The following MAP7D1 variants were observed in gnomAD, a reference collection of about 807,000 sequenced individuals.
MAP7D1 encodes MAP7 domain-containing protein 1.
A neutral mutation model predicts 97.5 loss-of-function variants in MAP7D1; 30 were observed. That is an observed-to-expected ratio of 0.31 (90% CI 0.23 to 0.42). The LOEUF (loss-of-function observed/expected upper bound fraction) is 0.42. Among genes scored for constraint, MAP7D1 ranks in the 10% least tolerant of loss-of-function variants. The pLI is 1.00. For synonymous variants in MAP7D1, 536 were observed against 477.1 expected (o/e 1.12, Z -1.61); for missense variants, 1,184 against 1,179.5 (o/e 1.00, Z -0.06).
chr1:36,176,618 G>A lies in MAP7D1; in HGVS notation c.1233+37G>A, dbSNP rs1324639573. 1.3e-6 allele frequency: 2 copies of A among 1,560,814 alleles called. No homozygotes were observed. The highest frequency in any genetic ancestry group is 1.4e-5 in the African/African-American group (1 of 73,960). On this transcript the variant is annotated intron_variant, in intron 7 of 16. Transcript: ENST00000474796. This position sits in a 1 kb window ranked among gnomAD's most constrained non-coding sequence, Gnocchi z 6.1. Reference sequence around the variant, plus strand: ...TACTGGCTCGAGTGGCCGCGCAGGTGGGGACAGGCAGCCTGGAACTGGGGT... The same window carrying A: ...TACTGGCTCGAGTGGCCGCGCAGGTAGGGACAGGCAGCCTGGAACTGGGGT...
In MAP7D1 at chr1:36,176,381, C is replaced by A. The variant is rs750250559; in HGVS notation, c.1033C>A (p.Arg345Ser). 1.3e-6 allele frequency: 2 copies of A among 1,522,766 alleles called. No individual in the cohort carries two copies. The highest frequency in any genetic ancestry group is 8.8e-7 in the Non-Finnish European group (1 of 1,140,764). 94.3% of individuals were successfully genotyped at this position (1,522,766 alleles called of 1,614,324 possible). Residue 345 changes from arginine (R) to serine (S), a missense_variant, in exon 7 of 17, where the codon CGC becomes AGC. Coordinates refer to ENST00000474796, the MANE Select transcript of MAP7D1 (RefSeq NM_001388490.1). The surrounding 1 kb of genome is among the most constrained non-coding windows in gnomAD (Gnocchi z 6.1). ...GGGCCGGGCAGGGGCCAGCCTGGCG[C>A]GCGGGCCGCAACCCGACCGCACTCA... ...TWGRAGASLA[R>S]GPQPDRTHPS...
intron 1 of MAP7D1, among the ~76,000 whole-genome samples, chr1:36,167,723 A>G (rs1460557999): frequency 4.6e-5 from 7 of 151,178 alleles, no homozygotes; most frequent in East Asian, 1.9e-4. Context: ...GCTCCACTGC[A>G]TCTGATGCCT....
chr1:36,174,709 G>T lies in MAP7D1; in HGVS notation c.740-189G>T, dbSNP rs542239415. On this transcript the variant is annotated intron_variant, in intron 5 of 16. Coordinates refer to ENST00000474796, the MANE Select transcript of MAP7D1 (RefSeq NM_001388490.1). ...TTCTCCGTCGGCTCCCCCAACCCAG[G>T]TTGTCTCTGGTCACCTACCCCCCCA... is the stretch of plus-strand genomic sequence containing the variant. 6.0e-5 allele frequency among the ~76,000 whole-genome samples: 9 copies of T among 151,140 alleles called. No homozygotes were observed. In the South Asian group the frequency reaches 1.9e-3, roughly 32 times the overall value.
intron 5 of MAP7D1, 43 bp from the exon 6 acceptor site, chr1:36,174,855 C>T (rs1251304172): frequency 7.8e-7 from 1 of 1,284,324 alleles, no homozygotes; most frequent in Non-Finnish European, 1.1e-6. Context: ...CCCACTGGCT[C>T]CTGCCGGGCC....
chr1:36,166,287 C>T (rs1391503722), intron 1 of MAP7D1, among the ~76,000 whole-genome samples: 2 of 152,062 alleles, frequency 1.3e-5, no homozygotes, highest in Non-Finnish European at 2.9e-5. Context: ...AGGTCAGGAT[C>T]CTGGGGAGTC....
chr1:36,172,745 T>C (rs1644563923), intron 4 of MAP7D1, 118 bp downstream of exon 4: 1 of 1,137,394 alleles, frequency 8.8e-7, no homozygotes, highest in African/African-American at 1.6e-5. Context: ...TGTGGTCCTA[T>C]TTGTGTTCAC....
Position 36,176,941 on chromosome 1 carries a change from C to A in MAP7D1, c.1379+99C>A. On this transcript the variant is annotated intron_variant, in intron 8 of 16. Transcript: ENST00000474796. This position sits in a 1 kb window ranked among gnomAD's most constrained non-coding sequence, Gnocchi z 6.1. ...CAACCACCTCTAGAATGCAACTTCCCTGAGGGCAGATTCTCTCTGTTTTGT... is the reference window on the plus strand; with the variant it reads ...CAACCACCTCTAGAATGCAACTTCCATGAGGGCAGATTCTCTCTGTTTTGT... 9.9e-7 allele frequency: 1 copy of A among 1,013,296 alleles called. No individual in the cohort carries two copies. Among genetic ancestry groups the A allele is most frequent in the Non-Finnish European group, 1.5e-6 (1 of 683,994 alleles). The allele number at this position is 1,013,296 out of a possible 1,614,324, so 62.8% of individuals were successfully genotyped here.
Position 36,174,693 on chromosome 1 carries a change from G to A in MAP7D1, c.740-205G>A, listed in dbSNP as rs572143504. The stretch of plus-strand genomic sequence containing the variant: ...CTCCTCCCTTTGTTCCTTCTCCGTC[G>A]GCTCCCCCAACCCAGGTTGTCTCTG... On this transcript the variant is annotated intron_variant, in intron 5 of 16. Transcript: ENST00000474796. Among the ~76,000 whole-genome samples, 5 of 151,630 alleles carry A rather than the reference G, an allele frequency of 3.3e-5. No individual in the cohort carries two copies. In the East Asian group the frequency reaches 9.7e-4, roughly 30 times the overall value.
chr1:36,158,209 T>A (rs1454378533), intron 1 of MAP7D1, among the ~76,000 whole-genome samples: 1 of 152,072 alleles, frequency 6.6e-6, no homozygotes, highest in Non-Finnish European at 1.5e-5. Flanking sequence ...TATAGGCTTC[T>A]TGCATTGAGA....
chr1:36,173,823 G>A (rs568145333), intron 5 of MAP7D1, among the ~76,000 whole-genome samples: 95 of 152,256 alleles, frequency 6.2e-4, no homozygotes, highest in Non-Finnish European at 1.1e-3. Flanking sequence ...TCCTTGTCTC[G>A]GAAGGTAGAT....
chr1:36,179,418 G>A, intron 13 of MAP7D1, 97 bp from the exon 14 acceptor site: 1 of 1,574,424 alleles, frequency 6.4e-7, no homozygotes, highest in Non-Finnish European at 8.7e-7. Context: ...CTGTCAGGGA[G>A]GCCGCTGCGG....
Position 36,176,595 on chromosome 1 carries a change from CTGGCTCGAG to C in MAP7D1, c.1233+19_1233+27del. 1 of 1,536,596 alleles carries C rather than the reference CTGGCTCGAG, an allele frequency of 6.5e-7. No individual in the cohort carries two copies. Among genetic ancestry groups the C allele is most frequent in the Non-Finnish European group, 8.8e-7 (1 of 1,140,862 alleles). On this transcript the variant is annotated intron_variant, in intron 7 of 16. Coordinates refer to ENST00000474796, the MANE Select transcript of MAP7D1 (RefSeq NM_001388490.1). This position sits in a 1 kb window ranked among gnomAD's most constrained non-coding sequence, Gnocchi z 6.1. ...GAGGCCTCGCCGGTGAGTGGCTCTA[CTGGCTCGAG>C]TGGCCGCGCAGGTGGGGACAGGCAG...
chr1:36,161,406 C>A (rs1030605308), intron 1 of MAP7D1, among the ~76,000 whole-genome samples: 5 of 152,222 alleles, frequency 3.3e-5, no homozygotes, highest in African/African-American at 1.2e-4. Context: ...GCTGTCCCCA[C>A]TGGGATGCAG....
intron 8 of MAP7D1, chr1:36,177,542 C>A (rs1464820117): frequency 1.7e-6 from 1 of 600,850 alleles, no homozygotes; most frequent in Non-Finnish European, 3.2e-6. Context: ...ACAACAACAA[C>A]AACAAAACCT....
At chr1:36,170,819 A>G in intron 1 of MAP7D1, 152 bp from the exon 2 acceptor site, 1 of 599,274 alleles carries the variant, frequency 1.7e-6, no homozygotes, top group South Asian at 2.2e-5. Flanking sequence ...TCACCATTAT[A>G]TCATGAGTAT....
Position 36,177,991 on chromosome 1 carries a change from A to G in MAP7D1, c.1498A>G (p.Thr500Ala). Residue 500 changes from threonine (T) to alanine (A), a missense_variant, in exon 9 of 17, where the codon ACC becomes GCC. Physicochemically the swap from Thr to Ala is moderately conservative, Grantham distance 58. Transcript: ENST00000474796. ...LPPKPPSPRG[T>A]TASPKGRVRR... ...TCCAAAGCCACCGTCCCCCCGAGGC[A>G]CCACTGCATCCCCCAAGGGGCGGGT... 1 of 1,611,808 alleles carries G rather than the reference A, an allele frequency of 6.2e-7. No individual in the cohort carries two copies.
intron 1 of MAP7D1, among the ~76,000 whole-genome samples, chr1:36,166,556 A>T (rs1325763537): frequency 6.6e-6 from 1 of 151,838 alleles, no homozygotes. Flanking sequence ...TGCCTGGCTA[A>T]TTTTTTGTGT....
intron 4 of MAP7D1, 112 bp from the exon 5 acceptor site, chr1:36,173,252 T>TC: frequency 1.3e-6 from 1 of 767,388 alleles, no homozygotes; most frequent in Admixed American, 2.4e-5. Flanking sequence ...AGGAAAAGAC[T>TC]CCAAGGGAAG....
At chr1:36,171,739 C>A in intron 3 of MAP7D1, 158 bp downstream of exon 3, 2 of 618,702 alleles carry the variant, frequency 3.2e-6, no homozygotes, top group Non-Finnish European at 5.6e-6. Flanking sequence ...TTGAGACTAG[C>A]CTGACCAATG....
Sources: allele counts gnomAD v4.1 joint callset (sites outside exome capture counted in the v4.1 genomes callset), GRCh38; gene constraint gnomAD v4.1.1; non-coding constraint Gnocchi (gnomAD v3.1); transcripts MANE v1.5; gene names NCBI Gene and HGNC (gene_info 2026-07-23, HGNC 2026-07-21).